PABPC4L: variants seen among roughly 807,000 people sequenced by gnomAD.
The protein encoded by PABPC4L is poly(A) binding protein cytoplasmic 4 like, also known as polyadenylate-binding protein 4-like.
For missense variants in PABPC4L, 452 were observed against 451.4 expected, an observed-to-expected ratio of 1.00 and a Z score of -0.01; for synonymous variants, 169 against 164.1, an observed-to-expected ratio of 1.03 and a Z score of -0.23.
the PABPC4L span, among the ~76,000 whole-genome samples, chr4:134,014,561 G>A: frequency 6.6e-6 from 1 of 152,066 alleles, no homozygotes; most frequent in African/African-American, 2.4e-5. Flanking sequence ...AACTTACCTG[G>A]CAGCCACTCC....
the PABPC4L span, among the ~76,000 whole-genome samples, chr4:134,158,017 A>G: frequency 1.3e-5 from 2 of 151,878 alleles, no homozygotes; most frequent in African/African-American, 4.8e-5. Context: ...TAATGGCTAT[A>G]TTTATAACAT....
At chr4:133,957,991 A>T in the PABPC4L span, among the ~76,000 whole-genome samples, 2 of 152,196 alleles carry the variant, frequency 1.3e-5, no homozygotes, top group Non-Finnish European at 2.9e-5. Flanking sequence ...GTTGCCATGA[A>T]GACCTCTGAC....
At chr4:134,078,542 G>T in the PABPC4L span, among the ~76,000 whole-genome samples, 1 of 151,976 alleles carries the variant, frequency 6.6e-6, no homozygotes, top group East Asian at 1.9e-4. Context: ...CCTGGAAAGT[G>T]GAATTATGTA....
At chr4:133,993,746 T>C in the PABPC4L span, among the ~76,000 whole-genome samples, 2 of 152,268 alleles carry the variant, frequency 1.3e-5, no homozygotes, top group Middle Eastern at 3.4e-3. Flanking sequence ...AGTGGGTGGG[T>C]CAAGCACTGA....
the PABPC4L span, among the ~76,000 whole-genome samples, chr4:133,969,148 A>G: frequency 1.3e-5 from 2 of 152,184 alleles, no homozygotes; most frequent in Non-Finnish European, 2.9e-5. Flanking sequence ...GTTCTCATAC[A>G]TATTTCCTTC....
the PABPC4L span, among the ~76,000 whole-genome samples, chr4:134,016,536 C>T: frequency 6.6e-6 from 1 of 152,118 alleles, no homozygotes; most frequent in African/African-American, 2.4e-5. Context: ...CCCTCACTTT[C>T]AGTTTTTCTC....
the PABPC4L span, among the ~76,000 whole-genome samples, chr4:134,133,160 CAT>C: frequency 7.4e-4 from 45 of 61,220 alleles, no homozygotes; most frequent in African/African-American, 3.6e-3. Flanking sequence ...TATAATATAT[CAT>C]ATTACATATA....
the PABPC4L span, among the ~76,000 whole-genome samples, chr4:133,984,504 A>G: frequency 6.6e-6 from 1 of 151,954 alleles, no homozygotes. Context: ...ATATAATTGT[A>G]TATCATTAGT....
chr4:133,951,385 T>A, the PABPC4L span, among the ~76,000 whole-genome samples: 14 of 152,298 alleles, frequency 9.2e-5, no homozygotes, highest in East Asian at 2.7e-3. Context: ...TATTTTAGAA[T>A]CTGGGAATCA....
At chr4:134,191,201 T>C in the PABPC4L span, among the ~76,000 whole-genome samples, 6 of 152,146 alleles carry the variant, frequency 3.9e-5, no homozygotes, top group African/African-American at 1.4e-4. Flanking sequence ...TGTTTTCTCT[T>C]GATTCTATAT....
the PABPC4L span, among the ~76,000 whole-genome samples, chr4:134,066,417 G>T: frequency 2.0e-5 from 3 of 152,192 alleles, no homozygotes; most frequent in African/African-American, 7.2e-5. Flanking sequence ...TGCTGAAGTT[G>T]TTTATAAAGA....
chr4:133,988,145 A>C, the PABPC4L span, among the ~76,000 whole-genome samples: 2 of 152,122 alleles, frequency 1.3e-5, no homozygotes, highest in Non-Finnish European at 2.9e-5. Flanking sequence ...ATTCAAGATG[A>C]TATTCGGGTG....
At chr4:133,993,575 T>C in the PABPC4L span, among the ~76,000 whole-genome samples, 1 of 152,332 alleles carries the variant, frequency 6.6e-6, no homozygotes, top group East Asian at 1.9e-4. Context: ...CCATAACTGA[T>C]TAAGTTCTAG....
At chr4:134,078,610 A>G in the PABPC4L span, among the ~76,000 whole-genome samples, 2 of 151,528 alleles carry the variant, frequency 1.3e-5, no homozygotes, top group Admixed American at 6.6e-5. Flanking sequence ...TTATAGTCCT[A>G]GAATTAGGCT....
chr4:134,174,036 A>C, the PABPC4L span, among the ~76,000 whole-genome samples: 1 of 152,040 alleles, frequency 6.6e-6, no homozygotes, highest in African/African-American at 2.4e-5. Flanking sequence ...TTATATCCTT[A>C]TTCAATAAGC....
chr4:134,041,948 C>G, the PABPC4L span, among the ~76,000 whole-genome samples: 1 of 152,188 alleles, frequency 6.6e-6, no homozygotes, highest in Non-Finnish European at 1.5e-5. Flanking sequence ...GAAAAGAAAT[C>G]AAAAAGACAT....
the PABPC4L span, among the ~76,000 whole-genome samples, chr4:133,956,055 T>C: frequency 2.6e-5 from 4 of 152,098 alleles, no homozygotes; most frequent in Non-Finnish European, 5.9e-5. Context: ...CAAATGGACT[T>C]ATTAAAAAAA....
At chr4:134,073,937 C>T in the PABPC4L span, among the ~76,000 whole-genome samples, 1 of 152,248 alleles carries the variant, frequency 6.6e-6, no homozygotes, top group East Asian at 1.9e-4. Flanking sequence ...GTGTAGTCCA[C>T]AAAAGCATTT....
the PABPC4L span, among the ~76,000 whole-genome samples, chr4:134,147,749 G>GTGTGT: frequency 0.039 from 5,807 of 148,992 alleles, 518 homozygotes; most frequent in East Asian, 0.38. Context: ...GTGTGTGTGT[G>GTGTGT]TGTTGTTGTT....
Sources: allele counts gnomAD v4.1 joint callset (sites outside exome capture counted in the v4.1 genomes callset), GRCh38; gene constraint gnomAD v4.1.1; transcripts MANE v1.5; gene names NCBI Gene and HGNC (gene_info 2026-07-23, HGNC 2026-07-21).